The following CTNNBL1 variants were observed in gnomAD, a reference collection of about 807,000 sequenced individuals.
The protein encoded by CTNNBL1 is catenin beta like 1.
A neutral mutation model predicts 72.7 loss-of-function variants in CTNNBL1; 31 were observed. The observed-to-expected ratio is 0.43, with a 90% CI of 0.32 to 0.58. The LOEUF (loss-of-function observed/expected upper bound fraction) is 0.58. CTNNBL1 is among the 20% of genes least tolerant of loss of function. CTNNBL1 has a pLI of 0.08. For missense variants in CTNNBL1, 534 were observed against 725.1 expected (o/e 0.74, Z 3.03); for synonymous variants, 240 against 267.3 (o/e 0.90, Z 1.00).
intron 11 of CTNNBL1, among the ~76,000 whole-genome samples, chr20:37,826,789 G>A (rs955803662): frequency 1.3e-5 from 2 of 152,194 alleles, no homozygotes; most frequent in African/African-American, 4.8e-5. Context: ...GATGCAGAAA[G>A]TAAGTTGCAG....
chr20:37,780,113 A>G (rs2073613599), intron 10 of CTNNBL1, among the ~76,000 whole-genome samples: 1 of 151,600 alleles, frequency 6.6e-6, no homozygotes, highest in African/African-American at 2.4e-5. Flanking sequence ...GATTCTAGTC[A>G]TTATGAATTG....
chr20:37,745,668 G>A (rs2073255658), intron 3 of CTNNBL1, among the ~76,000 whole-genome samples: 1 of 152,180 alleles, frequency 6.6e-6, no homozygotes, highest in Non-Finnish European at 1.5e-5. Flanking sequence ...TTTAACCACT[G>A]CTTCCTCTCA....
At chr20:37,805,545 C>T (rs1258967347) in intron 11 of CTNNBL1, among the ~76,000 whole-genome samples, 5 of 151,780 alleles carry the variant, frequency 3.3e-5, no homozygotes, top group African/African-American at 7.3e-5. Context: ...TACAGGCGCC[C>T]ACCACCACAC....
At chr20:37,722,158 T>G (rs945985699) in intron 1 of CTNNBL1, among the ~76,000 whole-genome samples, 1 of 152,212 alleles carries the variant, frequency 6.6e-6, no homozygotes, top group African/African-American at 2.4e-5. Context: ...CTTATGTTCT[T>G]TGTCAAAAGC....
intron 4 of CTNNBL1, among the ~76,000 whole-genome samples, chr20:37,752,686 T>C (rs917948077): frequency 6.6e-6 from 1 of 151,878 alleles, no homozygotes; most frequent in Non-Finnish European, 1.5e-5. Context: ...AGCCAAAAAA[T>C]AGAAGTAAAC....
At chr20:37,867,799 G>A (rs912175036) in intron 15 of CTNNBL1, among the ~76,000 whole-genome samples, 2 of 152,202 alleles carry the variant, frequency 1.3e-5, no homozygotes, top group African/African-American at 2.4e-5. Context: ...TGCAGCAGCT[G>A]TAATAACCAG....
intron 4 of CTNNBL1, among the ~76,000 whole-genome samples, chr20:37,753,193 G>A (rs1449743337): frequency 6.6e-6 from 1 of 152,066 alleles, no homozygotes; most frequent in Non-Finnish European, 1.5e-5. Context: ...ATGCTATTTT[G>A]TGAAAGTTGG....
intron 11 of CTNNBL1, 28 bp from the exon 12 acceptor site, chr20:37,840,074 A>G (rs2072289815): frequency 1.3e-6 from 2 of 1,544,230 alleles, no homozygotes; most frequent in Non-Finnish European, 1.8e-6. Context: ...TGATCTCAGC[A>G]TGTTCTCTTT....
At chr20:37,783,309 ACCT>A (rs2122699606) in intron 10 of CTNNBL1, among the ~76,000 whole-genome samples, 1 of 151,136 alleles carries the variant, frequency 6.6e-6, no homozygotes, top group East Asian at 1.9e-4. Context: ...ATCTTTTGAA[ACCT>A]AACTTTTAAT....
chr20:37,725,608 ATT>A (rs2073077993), intron 1 of CTNNBL1, among the ~76,000 whole-genome samples: 1 of 146,176 alleles, frequency 6.8e-6, no homozygotes, highest in African/African-American at 2.5e-5. Context: ...CGCCTCTTTG[ATT>A]TCTTAATCAA....
intron 13 of CTNNBL1, among the ~76,000 whole-genome samples, chr20:37,845,104 C>T (rs2122825060): frequency 6.6e-6 from 1 of 152,242 alleles, no homozygotes; most frequent in Admixed American, 6.5e-5. Context: ...TTTAGTAAGC[C>T]TTTTAGTAAG....
chr20:37,805,737 C>T lies in CTNNBL1; in HGVS notation c.1213+2689C>T, dbSNP rs6021041. 3.0e-3 allele frequency among the ~76,000 whole-genome samples: 463 copies of T among 152,250 alleles called. 5 individuals are homozygous for T. Among genetic ancestry groups the T allele is most frequent in the African/African-American group, 1.0e-2 (415 of 41,546 alleles). On this transcript the variant is annotated intron_variant, in intron 11 of 15. Coordinates refer to ENST00000361383, the MANE Select transcript of CTNNBL1 (RefSeq NM_030877.5). Reference sequence around the variant, plus strand: ...ATGTCTCTTTCTCAGGGAAGCATGTCATGAACCCGTAGACTAGGATAGAAT... The same window carrying T: ...ATGTCTCTTTCTCAGGGAAGCATGTTATGAACCCGTAGACTAGGATAGAAT...
intron 11 of CTNNBL1, among the ~76,000 whole-genome samples, chr20:37,811,271 A>G (rs2072010221): frequency 6.6e-6 from 1 of 152,150 alleles, no homozygotes; most frequent in South Asian, 2.1e-4. Context: ...GGCTGTTGCC[A>G]CCACCCCTGT....
chr20:37,795,375 A>G (rs2073764126), intron 10 of CTNNBL1, among the ~76,000 whole-genome samples: 1 of 152,166 alleles, frequency 6.6e-6, no homozygotes, highest in South Asian at 2.1e-4. Flanking sequence ...TTGGACAGTT[A>G]TAGTTTTCAA....
In CTNNBL1 at chr20:37,871,989, C is replaced by G; in HGVS notation, c.1668C>G (p.Ile556Met). 1 of 1,614,086 alleles carries G rather than the reference C, an allele frequency of 6.2e-7. No homozygotes were observed. ...PEFRENEQKR[I>M]LGLLENF ...TCCGGGAGAACGAGCAAAAGCGCAT[C>G]CTGGGCTTGCTGGAGAACTTCTAGA... is the stretch of plus-strand genomic sequence containing the variant. Residue 556 changes from isoleucine (I) to methionine (M), a missense_variant, in exon 16 of 16, where the codon ATC becomes ATG. By Grantham distance (10) the Ile-to-Met change is conservative. Transcript: ENST00000361383.
chr20:37,842,972 C>T (rs1230671113), intron 13 of CTNNBL1, among the ~76,000 whole-genome samples: 2 of 152,166 alleles, frequency 1.3e-5, no homozygotes, highest in Non-Finnish European at 2.9e-5. Context: ...TTGATTGTTG[C>T]TAAGAGAAGT....
At position 37,746,550 on chromosome 20, in the gene CTNNBL1, C is replaced by T; in HGVS notation, c.409C>T (p.Leu137=). The T allele has an allele frequency of 6.2e-7, 1 of 1,614,102 alleles. No homozygotes were observed. The highest frequency in any genetic ancestry group is 8.5e-7 in the Non-Finnish European group (1 of 1,179,968). The change falls in exon 4 of 16, where the codon CTG becomes TTG. Residue 137 remains leucine, a synonymous_variant. Transcript: ENST00000361383. ...VATMPDLYHL[L]VELNAVQSLL... is the part of the protein sequence containing the mutation. ...CACCATGCCAGACCTGTACCACCTTCTGGTGGAGCTGAATGCTGTACAGTC... is the reference window on the plus strand; with the variant it reads ...CACCATGCCAGACCTGTACCACCTTTTGGTGGAGCTGAATGCTGTACAGTC...
At chr20:37,779,880 G>A (rs1320891148) in intron 10 of CTNNBL1, among the ~76,000 whole-genome samples, 5 of 151,924 alleles carry the variant, frequency 3.3e-5, no homozygotes, top group Admixed American at 2.6e-4. Context: ...TTATTTATAC[G>A]CTAATTCCTG....
chr20:37,707,425 C>G (rs186350815), intron 1 of CTNNBL1, among the ~76,000 whole-genome samples: 1 of 152,214 alleles, frequency 6.6e-6, no homozygotes, highest in African/African-American at 2.4e-5. Context: ...GTTCACCTTG[C>G]GCTTTCATGT....
Sources: gnomAD v4.1 joint callset for allele counts (sites outside exome capture counted in the v4.1 genomes callset) on GRCh38, gnomAD v4.1.1 for gene constraint, MANE v1.5 for transcripts, NCBI Gene and HGNC (gene_info 2026-07-23, HGNC 2026-07-21) for gene names.